CMSS1: variants seen among roughly 807,000 people sequenced by gnomAD.
CMSS1 encodes the protein protein CMSS1.
In CMSS1, 33 loss-of-function variants were observed where a neutral mutation model predicts 43.5. The observed-to-expected ratio is 0.76, with a 90% CI of 0.57 to 1.01. The LOEUF is 1.01. Ranked by LOEUF, CMSS1 falls within the 50% of genes least tolerant of loss-of-function variation. The pLI is 0.00. For synonymous variants in CMSS1, 115 were observed against 117.2 expected (o/e 0.98, Z 0.12); for missense variants, 313 against 326.4 (o/e 0.96, Z 0.32).
At chr3:99,982,189 T>C (rs149051996) in intron 1 of CMSS1, among the ~76,000 whole-genome samples, 1,789 of 152,298 alleles carry the variant, frequency 0.012, 23 homozygotes, top group African/African-American at 0.026. Flanking sequence ...TATGTTTTTT[T>C]AATAGTATTG....
At chr3:100,139,789 C>A (rs557106556) in intron 1 of CMSS1, among the ~76,000 whole-genome samples, 1 of 120,454 alleles carries the variant, frequency 8.3e-6, no homozygotes, top group Non-Finnish European at 1.8e-5. Context: ...GAGAGCAAAA[C>A]TCCATCTCAA....
chr3:100,004,398 C>A (rs534672244), intron 1 of CMSS1, among the ~76,000 whole-genome samples: 1 of 152,068 alleles, frequency 6.6e-6, no homozygotes, highest in Non-Finnish European at 1.5e-5. Context: ...ATCAAATATT[C>A]TTTGTGTTCA....
chr3:99,984,060 T>TGTGTGTGTGTGTGTGTGTG (rs1559714079), intron 1 of CMSS1, among the ~76,000 whole-genome samples: 4 of 25,020 alleles, frequency 1.6e-4, no homozygotes, highest in Admixed American at 8.2e-4. Context: ...GTATGTGTGT[T>TGTGTGTGTGTGTGTGTGTG]TGTGTGTGTG....
chr3:99,985,594 CT>C (rs759661932), intron 1 of CMSS1, among the ~76,000 whole-genome samples: 167 of 145,162 alleles, frequency 1.2e-3, no homozygotes, highest in Non-Finnish European at 1.1e-3. Flanking sequence ...ATGAGAAAAG[CT>C]TTTTTTTTTT....
intron 1 of CMSS1, among the ~76,000 whole-genome samples, chr3:99,953,050 C>G (rs1708223131): frequency 1.3e-5 from 2 of 152,114 alleles, no homozygotes; most frequent in Middle Eastern, 3.4e-3. Context: ...AGTGCCAGAA[C>G]TTTTTTAAAA....
chr3:100,102,147 T>G (rs1434948368), intron 1 of CMSS1, among the ~76,000 whole-genome samples: 3 of 152,152 alleles, frequency 2.0e-5, no homozygotes, highest in East Asian at 1.9e-4. Flanking sequence ...GTAATGGGAT[T>G]GCTGGGTCAA....
chr3:100,155,845 T>C (rs1400526125), intron 2 of CMSS1, among the ~76,000 whole-genome samples: 1 of 152,238 alleles, frequency 6.6e-6, no homozygotes, highest in East Asian at 1.9e-4. Flanking sequence ...GCATCCATTA[T>C]TGCTTTTTAG....
chr3:100,053,230 A>T (rs1450252170), intron 1 of CMSS1, among the ~76,000 whole-genome samples: 2 of 152,204 alleles, frequency 1.3e-5, no homozygotes, highest in Admixed American at 1.3e-4. Flanking sequence ...GCCATAACAG[A>T]TTACCACAAA....
At chr3:100,021,209 T>A (rs1421785051) in intron 1 of CMSS1, among the ~76,000 whole-genome samples, 1 of 152,230 alleles carries the variant, frequency 6.6e-6, no homozygotes, top group Non-Finnish European at 1.5e-5. Context: ...TTTCCAGGCA[T>A]GCAAGCAAAA....
intron 1 of CMSS1, among the ~76,000 whole-genome samples, chr3:100,099,956 A>G (rs1306741356): frequency 2.6e-5 from 4 of 152,202 alleles, no homozygotes; most frequent in African/African-American, 9.6e-5. Flanking sequence ...TCCATGCTCA[A>G]GTTGAGACTA....
intron 1 of CMSS1, among the ~76,000 whole-genome samples, chr3:99,988,169 C>A (rs1709401832): frequency 6.6e-6 from 1 of 151,756 alleles, no homozygotes; most frequent in Non-Finnish European, 1.5e-5. Flanking sequence ...GATCTTTTAT[C>A]TTTATTTTAA....
At chr3:100,126,839 A>G (rs1055899680) in intron 1 of CMSS1, among the ~76,000 whole-genome samples, 1 of 152,190 alleles carries the variant, frequency 6.6e-6, no homozygotes, top group Non-Finnish European at 1.5e-5. Context: ...TCTACTAAAA[A>G]TACAAAAAAT....
At chr3:100,057,075 G>T (rs1476058109) in intron 1 of CMSS1, among the ~76,000 whole-genome samples, 1 of 152,170 alleles carries the variant, frequency 6.6e-6, no homozygotes, top group East Asian at 1.9e-4. Context: ...CTAATGATTG[G>T]CAGGCTCAGG....
chr3:99,851,065 T>A (rs1559659271), intron 1 of CMSS1: 11 of 1,577,298 alleles, frequency 7.0e-6, no homozygotes, highest in Non-Finnish European at 9.4e-6. Context: ...AATTAGCTTC[T>A]TTAATCTGAA....
chr3:99,971,014 G>GATATTTAATATTCTGTGACTATTCTC (rs1708797884), intron 1 of CMSS1, among the ~76,000 whole-genome samples: 1 of 152,164 alleles, frequency 6.6e-6, no homozygotes, highest in Non-Finnish European at 1.5e-5. Flanking sequence ...ATATTTAACA[G>GATATTTAATATTCTGTGACTATTCTC]CAAGGATTGG....
chr3:99,971,062 G>T (rs994399568), intron 1 of CMSS1, among the ~76,000 whole-genome samples: 4 of 152,234 alleles, frequency 2.6e-5, no homozygotes, highest in East Asian at 3.8e-4. Context: ...TGGGGGCTGG[G>T]CGTGGTGGCT....
At chr3:99,861,848 G>C (rs1386857576) in intron 1 of CMSS1, among the ~76,000 whole-genome samples, 1 of 152,174 alleles carries the variant, frequency 6.6e-6, no homozygotes, top group Non-Finnish European at 1.5e-5. Context: ...CTGAATCCCG[G>C]CTTTCCAACT....
chr3:100,120,010 G>A (rs2066606383), intron 1 of CMSS1, among the ~76,000 whole-genome samples: 1 of 152,208 alleles, frequency 6.6e-6, no homozygotes, highest in African/African-American at 2.4e-5. Context: ...AGACATTTTA[G>A]AGCATCATAA....
At chr3:99,858,417 A>G (rs961742577) in intron 1 of CMSS1, among the ~76,000 whole-genome samples, 1 of 152,186 alleles carries the variant, frequency 6.6e-6, no homozygotes, top group African/African-American at 2.4e-5. Flanking sequence ...ATGAGCTGAG[A>G]TCACACCACT....
Sources: allele counts gnomAD v4.1 joint callset (sites outside exome capture counted in the v4.1 genomes callset), GRCh38; gene constraint gnomAD v4.1.1; transcripts MANE v1.5; gene names NCBI Gene and HGNC (gene_info 2026-07-23, HGNC 2026-07-21).